FHOD3: variants seen among roughly 807,000 people sequenced by gnomAD.
FHOD3 encodes formin homology 2 domain containing 3.
In FHOD3, 90 loss-of-function variants were observed where a neutral mutation model predicts 173.0. That is an observed-to-expected ratio of 0.52 (90% confidence interval 0.44 to 0.62). FHOD3 has a LOEUF of 0.62. Ranked by LOEUF, FHOD3 falls within the 20% of genes least tolerant of loss-of-function variation. The pLI is 0.00. For missense variants in FHOD3, 1,945 were observed against 2,034.7 expected (o/e 0.96, Z 0.85); for synonymous variants, 828 against 823.0 (o/e 1.01, Z -0.10).
chr18:36,358,633 A>G (rs1275405132), intron 2 of FHOD3, among the ~76,000 whole-genome samples: 1 of 152,204 alleles, frequency 6.6e-6, no homozygotes, highest in East Asian at 1.9e-4. Flanking sequence ...GTAGCCCAAA[A>G]GATATTGAAT....
intron 17 of FHOD3, among the ~76,000 whole-genome samples, chr18:36,702,252 G>A (rs2039633052): frequency 1.3e-5 from 2 of 152,114 alleles, no homozygotes; most frequent in African/African-American, 4.8e-5. Context: ...GTAGAAACCA[G>A]GGATTCTGCT....
chr18:36,355,666 T>C, intron 2 of FHOD3, 21 bp downstream of exon 2: 1 of 1,599,336 alleles, frequency 6.3e-7, no homozygotes, highest in Non-Finnish European at 8.6e-7. Flanking sequence ...CTGTTCACCC[T>C]GCTGACTGGT....
chr18:36,612,211 A>T, intron 9 of FHOD3, 116 bp downstream of exon 9: 1 of 1,142,800 alleles, frequency 8.8e-7, no homozygotes, highest in Non-Finnish European at 1.2e-6. Flanking sequence ...CTTATTAGAA[A>T]CTCAGCATCG....
chr18:36,645,529 C>T (rs551004784), intron 10 of FHOD3, among the ~76,000 whole-genome samples: 2 of 152,104 alleles, frequency 1.3e-5, no homozygotes, highest in South Asian at 2.1e-4. Context: ...AGAGGCACCC[C>T]GAGTCCAGAT....
At chr18:36,752,035 G>A (rs1483362130) in intron 24 of FHOD3, among the ~76,000 whole-genome samples, 1 of 152,146 alleles carries the variant, frequency 6.6e-6, no homozygotes, top group Admixed American at 6.5e-5. Flanking sequence ...CAGTGGAAGG[G>A]GAACCAAACA....
intron 27 of FHOD3, among the ~76,000 whole-genome samples, chr18:36,763,646 A>G (rs2043018570): frequency 6.7e-6 from 1 of 148,944 alleles, no homozygotes; most frequent in African/African-American, 2.4e-5. Flanking sequence ...ATATATGTGT[A>G]TTATACACGT....
intron 14 of FHOD3, among the ~76,000 whole-genome samples, chr18:36,668,587 A>G (rs1003217251): frequency 5.3e-5 from 8 of 151,374 alleles, no homozygotes; most frequent in Non-Finnish European, 8.9e-5. Context: ...TTGATTTGAG[A>G]CTTTTTATCT....
chr18:36,711,345 T>G (rs145374071), intron 18 of FHOD3: 1 of 152,230 alleles, frequency 6.6e-6, no homozygotes, highest in African/African-American at 2.4e-5. Flanking sequence ...ATGTCAAAAA[T>G]GAATTTGTAG....
At chr18:36,494,226 A>G (rs560990611) in intron 3 of FHOD3, among the ~76,000 whole-genome samples, 7 of 152,256 alleles carry the variant, frequency 4.6e-5, no homozygotes, top group East Asian at 3.9e-4. Flanking sequence ...GTGGGCCACA[A>G]AGGGGTTTTG....
At chr18:36,493,888 C>T (rs567473972) in intron 3 of FHOD3, among the ~76,000 whole-genome samples, 10 of 152,292 alleles carry the variant, frequency 6.6e-5, no homozygotes, top group East Asian at 1.9e-4. Context: ...GGTTTTCCCA[C>T]GGGGAGCTTC....
chr18:36,431,763 C>G (rs1005955744), intron 3 of FHOD3, among the ~76,000 whole-genome samples: 1 of 152,140 alleles, frequency 6.6e-6, no homozygotes, highest in Non-Finnish European at 1.5e-5. Context: ...ATATGACCAT[C>G]CTTTAAGTGG....
intron 20 of FHOD3, among the ~76,000 whole-genome samples, chr18:36,739,297 T>A (rs190103151): frequency 1.7e-3 from 256 of 152,328 alleles, no homozygotes; most frequent in Middle Eastern, 3.4e-3. Context: ...ATAAATACAG[T>A]TGCCAAGAAC....
Position 36,709,217 on chromosome 18 carries a change from G to A in FHOD3, c.2359G>A (p.Val787Met), listed in dbSNP as rs779554406. 6.2e-7 allele frequency: 1 copy of A among 1,614,216 alleles called. No individual in the cohort carries two copies. Among genetic ancestry groups the A allele is most frequent in the Non-Finnish European group, 8.5e-7 (1 of 1,180,048 alleles). ...ASAHEGAETE[V>M]EQALEQEPEE... ...TGCCCACGAGGGTGCAGAGACTGAA[G>A]TGGAGCAGGCACTAGAGCAAGAGCC... The change falls in exon 18 of 29, where the codon GTG becomes ATG. Residue 787 changes from valine (V) to methionine (M), a missense_variant. Physicochemically the swap from Val to Met is conservative, Grantham distance 21. Around this residue, in one of 5 missense-constraint regions of FHOD3, gnomAD observed 1,099 missense variants for 1,051.2 expected, o/e 1.05. Transcript: ENST00000590592.
At chr18:36,517,176 T>C (rs1474949200) in intron 5 of FHOD3, among the ~76,000 whole-genome samples, 2 of 152,212 alleles carry the variant, frequency 1.3e-5, no homozygotes, top group African/African-American at 4.8e-5. Flanking sequence ...CCTGGGTGGT[T>C]GTAGCTAATG....
At chr18:36,537,480 C>T (rs1404575629) in intron 5 of FHOD3, among the ~76,000 whole-genome samples, 1 of 152,180 alleles carries the variant, frequency 6.6e-6, no homozygotes, top group Non-Finnish European at 1.5e-5. Flanking sequence ...TGGACTTCTA[C>T]TTCCACCTGG....
At chr18:36,776,239 A>T (rs1490545355) in intron 28 of FHOD3, among the ~76,000 whole-genome samples, 3 of 149,784 alleles carry the variant, frequency 2.0e-5, no homozygotes, top group Admixed American at 1.3e-4. Context: ...CCCTGGCTGG[A>T]CCCCATCTGC....
At chr18:36,435,276 TA>T (rs1226290032) in intron 3 of FHOD3, among the ~76,000 whole-genome samples, 2 of 152,126 alleles carry the variant, frequency 1.3e-5, no homozygotes, top group Non-Finnish European at 2.9e-5. Flanking sequence ...AATAAACTGC[TA>T]AAACCACTGT....
chr18:36,758,722 C>G lies in FHOD3; in HGVS notation c.4426-396C>G, dbSNP rs558575940. Among the ~76,000 whole-genome samples the G allele has an allele frequency of 2.6e-5, 4 of 152,300 alleles. No individual in the cohort carries two copies. The South Asian group carries it at 8.3e-4, about 32-fold the overall frequency. On this transcript the variant is annotated intron_variant, in intron 25 of 28. Transcript: ENST00000590592. ...TAGAGGGGCCTTGATGACTGTCAGG[C>G]CGTGATGGGTTCATAAGGATGTGGC...
rs896896156 is a variant in FHOD3 at position 36,509,431 on chromosome 18, AAAAAAAAAAAG to A, written c.406-2991_406-2981del. On this transcript the variant is annotated intron_variant, in intron 4 of 28. Transcript: ENST00000590592. ...AACAGAGCAAGACTCCATCTCAAAA[AAAAAAAAAAAG>A]AAAAAAAAAAGAAAACAGTATTTAT... 5.1e-5 allele frequency among the ~76,000 whole-genome samples: 4 copies of A among 78,590 alleles called. 1 individual carries two copies. The highest frequency in any genetic ancestry group is 2.2e-4 in the East Asian group (1 of 4,572). 51.6% of individuals were successfully genotyped at this position (78,590 alleles called of 152,430 possible).
Sources: gnomAD v4.1 joint callset for allele counts (sites outside exome capture counted in the v4.1 genomes callset) on GRCh38, gnomAD v4.1.1 for gene constraint, gnomAD v4.1.1 regional missense constraint, MANE v1.5 for transcripts, NCBI Gene and HGNC (gene_info 2026-07-23, HGNC 2026-07-21) for gene names.